The following L1CAM variants were observed in gnomAD, a reference collection of about 807,000 sequenced individuals.
The protein encoded by L1CAM is L1 cell adhesion molecule.
Under a neutral mutation model 93.0 loss-of-function variants are expected in L1CAM, and 8 were observed. The observed-to-expected ratio is 0.09, with a 90% CI of 0.05 to 0.16. The LOEUF is 0.16. Ranked by LOEUF, L1CAM falls within the 10% of genes least tolerant of loss-of-function variation. L1CAM has a pLI of 1.00. For missense variants in L1CAM, 777 were observed against 1,073.4 expected (o/e 0.72, Z 3.86); for synonymous variants, 453 against 453.0 (o/e 1.00, Z 0.00).
intron 1 of L1CAM, chrX:153,880,185 A>AG (rs2064837119): frequency 1.7e-5 from 2 of 116,812 alleles, no homozygotes; most frequent in Admixed American, 1.8e-4. Flanking sequence ...CTTGCCAGGG[A>AG]GGGACCTGGG....
In L1CAM at chrX:153,872,248, T is replaced by C; in HGVS notation, c.304A>G (p.Ser102Gly). Reference protein sequence around the residue: ...SGSFTITGNNSNFAQRFQGIY... With the variant: ...SGSFTITGNNGNFAQRFQGIY... ...CCCTGGAACCTCTGAGCAAAGTTGC[T>C]GTTGTTGCCCGTGATGGTGAAGGAG... The change falls in exon 5 of 29, where the codon AGC becomes GGC. Residue 102 changes from serine (S) to glycine (G), a missense_variant. Physicochemically the swap from Ser to Gly is moderately conservative, Grantham distance 56 (BLOSUM62 0). This residue lies in a region of L1CAM where 574 missense variants were observed against 781.0 expected (regional missense o/e 0.73). Coordinates refer to ENST00000370060, the MANE Select transcript of L1CAM (RefSeq NM_001278116.2). 3.3e-6 allele frequency: 4 copies of C among 1,208,555 alleles called. No individual in the cohort carries two copies. Among genetic ancestry groups the C allele is most frequent in the Non-Finnish European group, 4.5e-6 (4 of 894,061 alleles).
At position 153,863,559 on chromosome X, in the gene L1CAM, C is replaced by T. The variant is rs2064682825; in HGVS notation, c.3458-10G>A. The T allele has an allele frequency of 8.4e-7, 1 of 1,196,316 alleles. No homozygotes were observed. The highest frequency in any genetic ancestry group is 1.1e-6 in the Non-Finnish European group (1 of 883,019). Reference sequence around the variant, plus strand: ...TCCTCCTTATCCTTCACTGGAGACACAGAGAGGGACAGCTTCTTCTCCCGC... The same window carrying T: ...TCCTCCTTATCCTTCACTGGAGACATAGAGAGGGACAGCTTCTTCTCCCGC... On this transcript the variant is annotated splice_polypyrimidine_tract_variant and intron_variant, in intron 26 of 28. Transcript: ENST00000370060.
At chrX:153,867,705 TC>T (rs1186316252) in intron 16 of L1CAM, 94 bp downstream of exon 16, 23 of 976,750 alleles carry the variant, frequency 2.4e-5, no homozygotes, top group Non-Finnish European at 3.2e-5. Context: ...CCAAACCGTG[TC>T]CCCCCAGGAA....
chrX:153,883,491 C>G (rs1462483381), intron 1 of L1CAM, among the ~76,000 whole-genome samples: 2 of 111,890 alleles, frequency 1.8e-5, no homozygotes, highest in Non-Finnish European at 3.8e-5. Context: ...CAGATCAGAG[C>G]AAGTAAGACA....
At chrX:153,868,787 G>T (rs1325107952) in intron 12 of L1CAM, 54 bp downstream of exon 12, 7 of 1,201,531 alleles carry the variant, frequency 5.8e-6, no homozygotes, top group Non-Finnish European at 6.8e-6. Context: ...TGCCCTCCCT[G>T]GCTCCCTGGC....
At chrX:153,882,753 C>G (rs1345358516) in intron 1 of L1CAM, among the ~76,000 whole-genome samples, 2 of 111,302 alleles carry the variant, frequency 1.8e-5, no homozygotes, top group Admixed American at 9.6e-5. Context: ...CCCTGGCCCT[C>G]GCAGCTGCCC....
rs1302912544 is a variant in L1CAM at position 153,865,121 on chromosome X, C to T, written c.2839G>A (p.Val947Met). The change falls in exon 22 of 29, where the codon GTG (valine) becomes ATG (methionine). Residue 947 changes from valine to methionine, a missense_variant. Val to Met is a conservative substitution (Grantham distance 21, BLOSUM62 1). Coordinates refer to ENST00000370060, the MANE Select transcript of L1CAM (RefSeq NM_001278116.2). ...TAGGAGAGCACGTAGCCGGTGAGCA[C>T]GCCGTTGTGGCTGAGTGGGGGCTGC... ...RWQPPLSHNGVLTGYVLSYHP... is the reference protein window; with the variant it reads ...RWQPPLSHNGMLTGYVLSYHP... 10 of 1,209,213 alleles carry T rather than the reference C, an allele frequency of 8.3e-6. No individual in the cohort carries two copies. Among genetic ancestry groups the T allele is most frequent in the East Asian group, 3.0e-5 (1 of 33,762 alleles).
At position 153,862,842 on chromosome X, in the gene L1CAM, T is replaced by C. The variant is rs782702177; in HGVS notation, c.3595A>G (p.Ile1199Val). ...CTGTCGTCACTGCCCAGGGGCTTGA[T>C]GTCCCCGTTGAGCGATGGCTGGCTG... Reference protein sequence around the residue: ...GSSQPSLNGDIKPLGSDDSLA... With the variant: ...GSSQPSLNGDVKPLGSDDSLA... Residue 1199 changes from isoleucine (I) to valine (V), a missense_variant, in exon 29 of 29, where the codon ATC (isoleucine) becomes GTC (valine). By Grantham distance (29) the Ile-to-Val change is conservative. This residue lies in a region of L1CAM where 110 missense variants were observed against 141.7 expected (regional missense o/e 0.78). Coordinates refer to ENST00000370060, the MANE Select transcript of L1CAM (RefSeq NM_001278116.2). The C allele has an allele frequency of 2.5e-6, 3 of 1,211,279 alleles. No individual in the cohort carries two copies. The highest frequency in any genetic ancestry group is 3.4e-6 in the Non-Finnish European group (3 of 895,386).
intron 1 of L1CAM, chrX:153,885,840 A>T: frequency 1.3e-6 from 1 of 799,641 alleles, no homozygotes; most frequent in Non-Finnish European, 1.5e-6. Context: ...GTTACCCCTC[A>T]CCTGTCGGGC....
At chrX:153,865,593 C>T (rs1262602991) in intron 20 of L1CAM, 93 bp from the exon 21 acceptor site, 3 of 1,046,303 alleles carry the variant, frequency 2.9e-6, no homozygotes, top group Non-Finnish European at 2.7e-6. Context: ...GGACCCTCCT[C>T]TCAACCCAAG....
At chrX:153,872,958 A>G in intron 3 of L1CAM, 1 of 449,667 alleles carries the variant, frequency 2.2e-6, no homozygotes, top group Admixed American at 3.8e-5. Context: ...AACAAAAGCC[A>G]AGACACAGAA....
Position 153,864,939 on chromosome X carries a change from C to T in L1CAM, c.2928G>A (p.Arg976=). The T allele has an allele frequency of 8.2e-7, 1 of 1,212,169 alleles. No homozygotes were observed. The highest frequency in any genetic ancestry group is 1.8e-5 in the South Asian group (1 of 57,023). ...LSFNLRDPEL[R]THNLTDLSPH... Reference sequence around the variant, plus strand: ...GGCTGAGATCGGTCAGGTTGTGTGTCCGAAGTTCGGGGTCCCGAAGGTTGA... The same window carrying T: ...GGCTGAGATCGGTCAGGTTGTGTGTTCGAAGTTCGGGGTCCCGAAGGTTGA... The change falls in exon 23 of 29, where the codon CGG becomes CGA. Residue 976 remains arginine, a synonymous_variant. Coordinates refer to ENST00000370060, the MANE Select transcript of L1CAM (RefSeq NM_001278116.2).
At chrX:153,873,121 G>A (rs2064787214) in intron 3 of L1CAM, 107 bp downstream of exon 3, 6 of 793,604 alleles carry the variant, frequency 7.6e-6, no homozygotes, top group African/African-American at 2.0e-5. Flanking sequence ...AGGGAGAGCC[G>A]AGCAGGGCCC....
At chrX:153,884,768 G>T (rs1228050775) in intron 1 of L1CAM, among the ~76,000 whole-genome samples, 1 of 112,936 alleles carries the variant, frequency 8.9e-6, no homozygotes, top group Non-Finnish European at 1.9e-5. Context: ...ACCACCTGCA[G>T]CAAGGAGCTG....
intron 1 of L1CAM, chrX:153,885,497 C>T (rs782495622): frequency 6.0e-5 from 48 of 805,827 alleles, no homozygotes; most frequent in Non-Finnish European, 7.5e-5. Context: ...CAAAGCCCCC[C>T]CAACCTTGGG....
chrX:153,863,158 T>C (rs1233541887), intron 28 of L1CAM, among the ~76,000 whole-genome samples: 1 of 111,561 alleles, frequency 9.0e-6, no homozygotes, highest in Non-Finnish European at 1.9e-5. Context: ...GGGGCCTCCC[T>C]TGGGGAGAGG....
In L1CAM at chrX:153,862,674, C is replaced by A; in HGVS notation, c.3763G>T (p.Ala1255Ser). The A allele has an allele frequency of 1.7e-6, 2 of 1,208,959 alleles. No homozygotes were observed. Among genetic ancestry groups the A allele is most frequent in the Non-Finnish European group, 1.1e-6 (1 of 893,032 alleles). The change falls in exon 29 of 29, where the codon GCC (alanine) becomes TCC (serine). Residue 1255 changes from alanine (A) to serine (S), a missense_variant. This residue lies in a region of L1CAM where 110 missense variants were observed against 141.7 expected (regional missense o/e 0.78). Coordinates refer to ENST00000370060, the MANE Select transcript of L1CAM (RefSeq NM_001278116.2). ...GATSPINPAV[A>S]LE Reference sequence around the variant, plus strand: ...TGTCCTGGACTCCACTATTCTAGGGCCACGGCAGGGTTGATGGGGGAAGTG... The same window carrying A: ...TGTCCTGGACTCCACTATTCTAGGGACACGGCAGGGTTGATGGGGGAAGTG...
chrX:153,874,662 A>G (rs782738981), intron 2 of L1CAM, among the ~76,000 whole-genome samples: 5 of 111,645 alleles, frequency 4.5e-5, no homozygotes, highest in African/African-American at 1.6e-4. Flanking sequence ...CCCAACCCCT[A>G]TCCGCCAACT....
At chrX:153,883,003 C>T (rs886810406) in intron 1 of L1CAM, among the ~76,000 whole-genome samples, 4 of 112,133 alleles carry the variant, frequency 3.6e-5, no homozygotes, top group African/African-American at 1.3e-4. Flanking sequence ...GCAAGCTGGG[C>T]GGGCTACCTC....
Sources: gnomAD v4.1 joint callset for allele counts (sites outside exome capture counted in the v4.1 genomes callset) on GRCh38, gnomAD v4.1.1 for gene constraint, gnomAD v4.1.1 regional missense constraint, MANE v1.5 for transcripts, NCBI Gene and HGNC (gene_info 2026-07-23, HGNC 2026-07-21) for gene names.